SPICE1: variants seen among roughly 807,000 people sequenced by gnomAD.
The protein encoded by SPICE1 is spindle and centriole-associated protein 1.
SPICE1 carries 75 observed loss-of-function variants against 102.7 expected under a neutral mutation model. That is an observed-to-expected ratio of 0.73 (90% confidence interval 0.61 to 0.88). The LOEUF (loss-of-function observed/expected upper bound fraction) is 0.88. Ranked by LOEUF, SPICE1 falls within the 40% of genes least tolerant of loss-of-function variation. The pLI is 0.00. For synonymous variants in SPICE1, 308 were observed against 350.3 expected, an observed-to-expected ratio of 0.88 and a Z score of 1.35; for missense variants, 979 against 1,020.1, an observed-to-expected ratio of 0.96 and a Z score of 0.55.
At chr3:113,464,218 T>A (rs938758916) in intron 11 of SPICE1, among the ~76,000 whole-genome samples, 3 of 151,808 alleles carry the variant, frequency 2.0e-5, no homozygotes, top group Non-Finnish European at 4.4e-5. Flanking sequence ...GTATGTGAAC[T>A]ATATTATCAA....
intron 7 of SPICE1, among the ~76,000 whole-genome samples, chr3:113,486,155 C>CCATA (rs1423048359): frequency 1.0e-5 from 1 of 98,388 alleles, no homozygotes; most frequent in Admixed American, 9.5e-5. Flanking sequence ...ACCTAAATGA[C>CCATA]CATATATATA....
chr3:113,503,222 G>A lies in SPICE1; in HGVS notation c.105C>T (p.Thr35=), dbSNP rs144535967. ...KTSVKQEWDN[T]VTDLTVHRAT... The stretch of plus-strand genomic sequence containing the variant: ...CCCGATGAACGGTTAGATCAGTCAC[G>A]GTATTCTGTAAAAAAAGGTGGCCTT... The change falls in exon 3 of 18, where the codon ACC becomes ACT. Residue 35 remains threonine, a synonymous_variant. Transcript: ENST00000295872. 8.7e-5 allele frequency: 137 copies of A among 1,576,202 alleles called. 1 individual carries two copies. In the African/African-American group the frequency reaches 1.5e-3, roughly 17 times the overall value.
intron 13 of SPICE1, among the ~76,000 whole-genome samples, chr3:113,455,584 A>G (rs771763732): frequency 6.6e-6 from 1 of 152,210 alleles, no homozygotes; most frequent in Non-Finnish European, 1.5e-5. Flanking sequence ...TATTAGACAA[A>G]GCTATCCTAA....
chr3:113,455,825 T>C (rs754665931), intron 13 of SPICE1, among the ~76,000 whole-genome samples: 2 of 152,250 alleles, frequency 1.3e-5, no homozygotes, highest in African/African-American at 2.4e-5. Context: ...ATGTTGTCTA[T>C]AGCAATCCCT....
rs918656669 is a variant in SPICE1, at chr3:113,500,164, C to T, written c.148-582G>A. On this transcript the variant is annotated intron_variant, in intron 3 of 17. Coordinates refer to ENST00000295872, the MANE Select transcript of SPICE1 (RefSeq NM_144718.4). The stretch of plus-strand genomic sequence containing the variant: ...AGTTCCTGAAGTACAAGAAGAGATA[C>T]GCGCCACAGATCTCAAGTGTTAGAG... 8.6e-4 allele frequency among the ~76,000 whole-genome samples: 131 copies of T among 152,144 alleles called. 3 individuals are homozygous for T. Among genetic ancestry groups the T allele is most frequent in the Non-Finnish European group, 3.2e-4 (22 of 68,022 alleles).
intron 1 of SPICE1, among the ~76,000 whole-genome samples, chr3:113,511,636 G>A (rs956488905): frequency 6.6e-6 from 1 of 152,112 alleles, no homozygotes; most frequent in Non-Finnish European, 1.5e-5. Context: ...GGGAGACAGA[G>A]CATCAGGAAA....
rs1272365853 is a variant in SPICE1, at chr3:113,465,752, T to G, written c.1188A>C (p.Thr396=). The change falls in exon 11 of 18, where the codon ACA becomes ACC. Residue 396 remains threonine, a synonymous_variant. Transcript: ENST00000295872. ...CTAATACTTGTTCCAGTTGTTGCCT[T>G]GTCTCTACTTCTTTACGTAGCTGGA... The part of the protein sequence containing the change: ...SEIQLRKEVE[T]RQQLEQVLGD... 6.2e-6 allele frequency: 10 copies of G among 1,613,744 alleles called. No homozygotes were observed. Among genetic ancestry groups the G allele is most frequent in the Non-Finnish European group, 8.5e-6 (10 of 1,179,902 alleles).
Position 113,450,507 on chromosome 3 carries a change from C to G in SPICE1, c.2152G>C (p.Val718Leu), listed in dbSNP as rs1398400801. Residue 718 changes from valine to leucine, a missense_variant, in exon 15 of 18, where the codon GTA becomes CTA. Transcript: ENST00000295872. ...CTACCTGGTGTTAGAGACTGTGCTA[C>G]TGGAAAAGTCTTTGGGAGAAAAAAA... The part of the protein sequence containing the change: ...SASDMTSTFP[V>L]AQSLTPGSME... 13 of 1,581,584 alleles carry G rather than the reference C, an allele frequency of 8.2e-6. No individual in the cohort carries two copies. The South Asian group carries it at 1.3e-4, about 15-fold the overall frequency.
rs937351115 is a variant in SPICE1 at position 113,475,669 on chromosome 3, A to G, written c.612-6431T>C. 2.6e-4 allele frequency among the ~76,000 whole-genome samples: 40 copies of G among 152,336 alleles called. 1 individual carries two copies. The highest frequency in any genetic ancestry group is 8.7e-4 in the African/African-American group (36 of 41,582). On this transcript the variant is annotated intron_variant, in intron 7 of 17. Transcript: ENST00000295872. Reference sequence around the variant, plus strand: ...AAATGTAATCCAGCATATAAACAGAACCAAAGACAAAAACCACATAATTAT... The same window carrying G: ...AAATGTAATCCAGCATATAAACAGAGCCAAAGACAAAAACCACATAATTAT...
intron 4 of SPICE1, among the ~76,000 whole-genome samples, chr3:113,496,885 T>TA (rs1936902153): frequency 6.6e-6 from 1 of 152,342 alleles, no homozygotes; most frequent in Admixed American, 6.5e-5. Context: ...AAAATATACT[T>TA]ACATGTGTAC....
intron 14 of SPICE1, among the ~76,000 whole-genome samples, chr3:113,451,111 C>A (rs1330941815): frequency 6.6e-6 from 1 of 152,140 alleles, no homozygotes; most frequent in Non-Finnish European, 1.5e-5. Flanking sequence ...ATCTTGGAAA[C>A]AGAAGTTTCT....
intron 17 of SPICE1, among the ~76,000 whole-genome samples, chr3:113,445,919 G>A (rs1169645201): frequency 6.6e-6 from 1 of 151,928 alleles, no homozygotes; most frequent in Non-Finnish European, 1.5e-5. Flanking sequence ...ACACTTATTG[G>A]CTCAAGTCTA....
chr3:113,460,524 A>T (rs1229215199), intron 12 of SPICE1, 93 bp downstream of exon 12: 3 of 1,492,302 alleles, frequency 2.0e-6, no homozygotes, highest in Non-Finnish European at 2.7e-6. Flanking sequence ...ACAGTCAATA[A>T]GTCTATATAA....
At chr3:113,506,384 C>G (rs552531460) in intron 2 of SPICE1, 123 bp downstream of exon 2, 1 of 737,028 alleles carries the variant, frequency 1.4e-6, no homozygotes, top group African/African-American at 1.8e-5. Context: ...TGCCCAGAAA[C>G]CTATTCCACC....
intron 14 of SPICE1, among the ~76,000 whole-genome samples, chr3:113,452,828 A>G (rs537270713): frequency 6.6e-6 from 1 of 152,132 alleles, no homozygotes; most frequent in East Asian, 1.9e-4. Context: ...AAATACAAAA[A>G]TTAGCCAGGT....
intron 16 of SPICE1, among the ~76,000 whole-genome samples, chr3:113,447,135 T>C (rs951055412): frequency 6.6e-6 from 1 of 151,704 alleles, no homozygotes; most frequent in Non-Finnish European, 1.5e-5. Flanking sequence ...TCTCCAGCCA[T>C]GTGAAACTGT....
Position 113,473,840 on chromosome 3 carries a change from T to A in SPICE1, c.612-4602A>T, listed in dbSNP as rs541993837. ...CCAGCCGCTGCAAAATCATGCCAAA[T>A]TGTAAAGACCATCGAGACTAGGAAG... On this transcript the variant is annotated intron_variant, in intron 7 of 17. Coordinates refer to ENST00000295872, the MANE Select transcript of SPICE1 (RefSeq NM_144718.4). 8.0e-3 allele frequency among the ~76,000 whole-genome samples: 1,216 copies of A among 151,726 alleles called. 20 individuals are homozygous for A. The highest frequency in any genetic ancestry group is 0.028 in the African/African-American group (1,154 of 41,320).
At chr3:113,462,639 T>C (rs1204996815) in intron 11 of SPICE1, among the ~76,000 whole-genome samples, 1 of 152,148 alleles carries the variant, frequency 6.6e-6, no homozygotes, top group Non-Finnish European at 1.5e-5. Flanking sequence ...TAAGAGAAAG[T>C]ATTACTTTTT....
At chr3:113,462,641 T>G (rs1277784453) in intron 11 of SPICE1, among the ~76,000 whole-genome samples, 1 of 152,182 alleles carries the variant, frequency 6.6e-6, no homozygotes, top group South Asian at 2.1e-4. Context: ...AGAGAAAGTA[T>G]TACTTTTTCT....
Sources: allele counts gnomAD v4.1 joint callset (sites outside exome capture counted in the v4.1 genomes callset), GRCh38; gene constraint gnomAD v4.1.1; transcripts MANE v1.5; gene names NCBI Gene and HGNC (gene_info 2026-07-23, HGNC 2026-07-21).